The following PTPRS variants were observed in gnomAD, a reference collection of about 807,000 sequenced individuals.
PTPRS encodes receptor-type tyrosine-protein phosphatase S.
Under a neutral mutation model 215.3 loss-of-function variants are expected in PTPRS, and 63 were observed. The ratio of observed to expected loss-of-function variants is 0.29; its 90% CI spans 0.24 to 0.36. The LOEUF (loss-of-function observed/expected upper bound fraction) is 0.36. PTPRS is among the 10% of genes least tolerant of loss of function. The pLI is 1.00. For synonymous variants in PTPRS, 1,404 were observed against 1,191.4 expected, an observed-to-expected ratio of 1.18 and a Z score of -3.68; for missense variants, 2,258 against 2,825.8, an observed-to-expected ratio of 0.80 and a Z score of 4.56.
intron 7 of PTPRS, among the ~76,000 whole-genome samples, chr19:5,258,644 T>A (rs971458783): frequency 6.6e-6 from 1 of 152,160 alleles, no homozygotes; most frequent in African/African-American, 2.4e-5. Context: ...TCAGTTGTGT[T>A]TGGAATCCTA....
chr19:5,239,388 G>A (rs1249408636), intron 12 of PTPRS, among the ~76,000 whole-genome samples: 1 of 151,072 alleles, frequency 6.6e-6, no homozygotes, highest in Non-Finnish European at 1.5e-5. Context: ...GATAGAGACA[G>A]AGGGACACAG....
intron 28 of PTPRS, among the ~76,000 whole-genome samples, chr19:5,214,961 CAT>C (rs1481530595): frequency 1.8e-4 from 28 of 152,388 alleles, no homozygotes; most frequent in African/African-American, 6.7e-4. Context: ...TGCTGAGCAG[CAT>C]CCCTGGCCTC....
chr19:5,238,285 C>T (rs1254378457), intron 13 of PTPRS, among the ~76,000 whole-genome samples: 3 of 152,028 alleles, frequency 2.0e-5, no homozygotes, highest in East Asian at 3.9e-4. Context: ...ACAGGGAGGC[C>T]GGGCCGGCAC....
In PTPRS at chr19:5,219,974, G is replaced by A; in HGVS notation, c.3730C>T (p.Leu1244Phe). Reference sequence around the variant, plus strand: ...TTCTGAAGCACGGCAAGCACGAAGAGGACATAGCGGTGGCCGGGCTCCAGG... The same window carrying A: ...TTCTGAAGCACGGCAAGCACGAAGAAGACATAGCGGTGGCCGGGCTCCAGG... ...RGLEPGHRYV[L>F]FVLAVLQKSE... Residue 1244 changes from leucine to phenylalanine, a missense_variant, in exon 22 of 38, where the codon CTC becomes TTC. Physicochemically the swap from Leu to Phe is conservative, Grantham distance 22 (BLOSUM62 0). This residue lies in a region of PTPRS where 927 missense variants were observed against 1,125.9 expected (regional missense o/e 0.82). Transcript: ENST00000262963. 1 of 1,613,980 alleles carries A rather than the reference G, an allele frequency of 6.2e-7. No individual in the cohort carries two copies. The highest frequency in any genetic ancestry group is 1.1e-5 in the South Asian group (1 of 91,082).
chr19:5,299,093 C>T (rs1378508651), intron 1 of PTPRS, among the ~76,000 whole-genome samples: 3 of 152,226 alleles, frequency 2.0e-5, no homozygotes, highest in Non-Finnish European at 4.4e-5. Flanking sequence ...CCCTCGCCCT[C>T]CAGTCTGTCC....
At chr19:5,296,093 C>A (rs1223416231) in intron 1 of PTPRS, among the ~76,000 whole-genome samples, 1 of 152,170 alleles carries the variant, frequency 6.6e-6, no homozygotes, top group East Asian at 1.9e-4. Context: ...CATTTCCAAG[C>A]CCCGATGCCA....
intron 15 of PTPRS, 28 bp downstream of exon 15, chr19:5,229,463 C>T: frequency 7.2e-7 from 1 of 1,388,252 alleles, no homozygotes; most frequent in Non-Finnish European, 9.3e-7. Flanking sequence ...GGAGCCCGTC[C>T]CCGGCCCCGC....
chr19:5,289,338 C>T (rs576826562), intron 1 of PTPRS, among the ~76,000 whole-genome samples: 9 of 152,334 alleles, frequency 5.9e-5, no homozygotes, highest in African/African-American at 2.2e-4. Context: ...CTTCCAGCCC[C>T]ATTGTCACCG....
At chr19:5,296,479 C>T (rs563277054) in intron 1 of PTPRS, among the ~76,000 whole-genome samples, 6 of 151,912 alleles carry the variant, frequency 3.9e-5, no homozygotes, top group South Asian at 2.1e-4. Flanking sequence ...CCAGCCTGGG[C>T]GACAGAGCGA....
intron 17 of PTPRS, among the ~76,000 whole-genome samples, 175 bp downstream of exon 17, chr19:5,225,552 G>C (rs956894541): frequency 6.6e-6 from 1 of 151,430 alleles, no homozygotes; most frequent in African/African-American, 2.4e-5. Flanking sequence ...GGCGGGGGGG[G>C]CCAAGCTGGG....
chr19:5,223,713 C>T (rs1277983686), intron 17 of PTPRS, among the ~76,000 whole-genome samples: 1 of 151,410 alleles, frequency 6.6e-6, no homozygotes, highest in Admixed American at 6.6e-5. Context: ...CAGGTACACA[C>T]CACCACGCCT....
intron 1 of PTPRS, among the ~76,000 whole-genome samples, chr19:5,309,148 G>A (rs1372617666): frequency 6.6e-6 from 1 of 152,012 alleles, no homozygotes; most frequent in East Asian, 2.0e-4. Flanking sequence ...GGAGAGAGAA[G>A]GGAGGAAGGG....
intron 1 of PTPRS, among the ~76,000 whole-genome samples, chr19:5,303,967 A>G (rs2049395139): frequency 1.2e-5 from 1 of 85,186 alleles, no homozygotes; most frequent in African/African-American, 6.2e-5. Context: ...TAATAATAAC[A>G]ATAAAATAAA....
intron 4 of PTPRS, among the ~76,000 whole-genome samples, chr19:5,269,016 C>T (rs879939749): frequency 1.1e-4 from 16 of 152,238 alleles, no homozygotes; most frequent in Admixed American, 7.2e-4. Context: ...ATGACATCAT[C>T]GGAGATGAGG....
chr19:5,243,163 G>A (rs371415418), intron 11 of PTPRS, among the ~76,000 whole-genome samples: 4 of 148,036 alleles, frequency 2.7e-5, no homozygotes, highest in African/African-American at 5.0e-5. Flanking sequence ...TTGAGATGGC[G>A]TTTCACTTGT....
chr19:5,225,680 G>C (rs1468269885), intron 17 of PTPRS, 47 bp downstream of exon 17: 4 of 1,500,070 alleles, frequency 2.7e-6, no homozygotes, highest in East Asian at 4.5e-5. Flanking sequence ...TGGTGCCAGT[G>C]GGGGCAAAGG....
rs1171233385 is a variant in PTPRS at position 5,229,300 on chromosome 19, CA to C, written c.2376+15del. 1 of 1,379,380 alleles carries C rather than the reference CA, an allele frequency of 7.2e-7. No individual in the cohort carries two copies. The highest frequency in any genetic ancestry group is 9.4e-7 in the Non-Finnish European group (1 of 1,061,980). The allele number at this position is 1,379,380 out of a possible 1,614,324, so 85.4% of individuals were successfully genotyped here. A position where few individuals can be genotyped will look rare whatever the true frequency, so the allele number is the denominator to read the frequency against. ...AAGCGCACAGCAGTAGGTGGGTGGCCAGGGGCGCTACTTACATATTCGGCCG... is the reference window on the plus strand; with the variant it reads ...AAGCGCACAGCAGTAGGTGGGTGGCCGGGGCGCTACTTACATATTCGGCCG... On this transcript the variant is annotated intron_variant, in intron 16 of 37. Coordinates refer to ENST00000262963, the MANE Select transcript of PTPRS (RefSeq NM_002850.4).
chr19:5,269,818 G>C (rs985909702), intron 4 of PTPRS, among the ~76,000 whole-genome samples: 5 of 151,266 alleles, frequency 3.3e-5, no homozygotes, highest in African/African-American at 1.2e-4. Flanking sequence ...CTACTCAGGA[G>C]GCTGAGCCAG....
At position 5,338,896 on chromosome 19, in the gene PTPRS, C is replaced by G. The variant is rs2050594555; in HGVS notation, c.-95+1768G>C. Among the ~76,000 whole-genome samples the G allele has an allele frequency of 6.6e-6, 1 of 152,214 alleles. No individual in the cohort carries two copies. The highest frequency in any genetic ancestry group is 2.4e-5 in the African/African-American group (1 of 41,442). The stretch of plus-strand genomic sequence containing the variant: ...GCCCCAGACAAAGAGGCGCCGTCAC[C>G]CTCTGCACCCCAAGGACAGCAGCGA... On this transcript the variant is annotated intron_variant, in intron 1 of 37. Transcript: ENST00000262963. The surrounding 1 kb of genome is among the most constrained non-coding windows in gnomAD (Gnocchi z 4.2).
Sources: gnomAD v4.1 joint callset for allele counts (sites outside exome capture counted in the v4.1 genomes callset) on GRCh38, gnomAD v4.1.1 for gene constraint, gnomAD v4.1.1 regional missense constraint, Gnocchi (gnomAD v3.1) non-coding constraint, MANE v1.5 for transcripts, NCBI Gene and HGNC (gene_info 2026-07-23, HGNC 2026-07-21) for gene names.